The following PEX5L variants were observed in gnomAD, a reference collection of about 807,000 sequenced individuals.
PEX5L encodes the protein peroxisomal biogenesis factor 5 like, also known as PEX5-related protein.
In PEX5L, 30 loss-of-function variants were observed where a neutral mutation model predicts 84.0. The ratio of observed to expected loss-of-function variants is 0.36; its 90% CI spans 0.27 to 0.48. The LOEUF (loss-of-function observed/expected upper bound fraction) is 0.48. Among genes scored for constraint, PEX5L ranks in the 20% least tolerant of loss-of-function variants. PEX5L has a pLI of 0.99. For synonymous variants in PEX5L, 270 were observed against 283.1 expected, an observed-to-expected ratio of 0.95 and a Z score of 0.46; for missense variants, 533 against 754.6, an observed-to-expected ratio of 0.71 and a Z score of 3.44.
chr3:179,805,146 CTT>C (rs777171015), intron 14 of PEX5L, among the ~76,000 whole-genome samples: 152 of 86,456 alleles, frequency 1.8e-3, no homozygotes, highest in African/African-American at 3.5e-3. Context: ...ACTCGATGGT[CTT>C]TTTTTTTTTT....
intron 1 of PEX5L, among the ~76,000 whole-genome samples, chr3:180,006,005 T>A (rs28575206): frequency 0.017 from 2,588 of 152,360 alleles, 81 homozygotes; most frequent in African/African-American, 0.059. Context: ...TGTTTATCTT[T>A]TAGAAGTCTC....
chr3:179,999,727 G>C lies in PEX5L; in HGVS notation c.22-28062C>G, dbSNP rs185362084. On this transcript the variant is annotated intron_variant, in intron 1 of 14. Coordinates refer to ENST00000467460, the MANE Select transcript of PEX5L (RefSeq NM_016559.3). Reference sequence around the variant, plus strand: ...ACGGAATGCCTTATCCACCATCATGGTATTCCACACAGCATTGCCTCTGAC... The same window carrying C: ...ACGGAATGCCTTATCCACCATCATGCTATTCCACACAGCATTGCCTCTGAC... Among the ~76,000 whole-genome samples, 10 of 152,250 alleles carry C rather than the reference G, an allele frequency of 6.6e-5. No homozygotes were observed. In the East Asian group the frequency reaches 1.5e-3, roughly 24 times the overall value.
intron 2 of PEX5L, among the ~76,000 whole-genome samples, chr3:179,920,870 A>C (rs1243643127): frequency 6.6e-6 from 1 of 152,204 alleles, no homozygotes; most frequent in Non-Finnish European, 1.5e-5. Flanking sequence ...TAACTTTAAA[A>C]ATTAATAAAA....
At chr3:179,876,339 A>T (rs962003862) in intron 5 of PEX5L, among the ~76,000 whole-genome samples, 1 of 152,024 alleles carries the variant, frequency 6.6e-6, no homozygotes, top group African/African-American at 2.4e-5. Context: ...ACTAAATAAA[A>T]AAAAAAAATG....
intron 1 of PEX5L, among the ~76,000 whole-genome samples, chr3:180,021,245 A>G (rs943083536): frequency 1.3e-5 from 2 of 152,192 alleles, no homozygotes; most frequent in Non-Finnish European, 2.9e-5. Context: ...CACAAGTCCA[A>G]TTTGGGGACA....
intron 4 of PEX5L, among the ~76,000 whole-genome samples, chr3:179,884,649 G>A (rs1381478189): frequency 6.6e-6 from 1 of 152,166 alleles, no homozygotes. Context: ...CAGGATACAG[G>A]TCTCATCTCT....
intron 1 of PEX5L, among the ~76,000 whole-genome samples, chr3:180,035,461 T>C (rs1791821028): frequency 6.6e-6 from 1 of 152,202 alleles, no homozygotes; most frequent in Non-Finnish European, 1.5e-5. Context: ...TCTTTTGGAA[T>C]TCTGGCACTG....
chr3:179,899,404 T>C (rs1760507670), intron 2 of PEX5L, among the ~76,000 whole-genome samples: 1 of 152,080 alleles, frequency 6.6e-6, no homozygotes, highest in Non-Finnish European at 1.5e-5. Flanking sequence ...GACAGACCTA[T>C]CACAGGCAGA....
At chr3:179,885,683 A>G (rs1408638245) in intron 4 of PEX5L, among the ~76,000 whole-genome samples, 2 of 151,918 alleles carry the variant, frequency 1.3e-5, no homozygotes, top group East Asian at 1.9e-4. Flanking sequence ...AAATTTGGAC[A>G]CAGAGACAGA....
At chr3:180,013,995 T>A (rs1020425017) in intron 1 of PEX5L, among the ~76,000 whole-genome samples, 1 of 152,208 alleles carries the variant, frequency 6.6e-6, no homozygotes, top group Non-Finnish European at 1.5e-5. Flanking sequence ...CTGCAATAAC[T>A]ACAAGTATGG....
At chr3:179,952,222 C>A (rs958369467) in intron 2 of PEX5L, among the ~76,000 whole-genome samples, 1 of 152,196 alleles carries the variant, frequency 6.6e-6, no homozygotes, top group African/African-American at 2.4e-5. Context: ...GGCATAACAA[C>A]AGACGAAAGG....
At chr3:179,962,522 T>C (rs934887554) in intron 2 of PEX5L, among the ~76,000 whole-genome samples, 3 of 152,320 alleles carry the variant, frequency 2.0e-5, no homozygotes, top group Admixed American at 6.5e-5. Context: ...GCTATCACCA[T>C]AATCATACAC....
intron 3 of PEX5L, among the ~76,000 whole-genome samples, chr3:179,891,251 A>G (rs1234158629): frequency 6.6e-6 from 1 of 152,166 alleles, no homozygotes; most frequent in Non-Finnish European, 1.5e-5. Context: ...GACTTCTACA[A>G]CTAAGCTACT....
At chr3:179,958,380 T>C (rs2110067239) in intron 2 of PEX5L, among the ~76,000 whole-genome samples, 1 of 152,322 alleles carries the variant, frequency 6.6e-6, no homozygotes, top group East Asian at 1.9e-4. Flanking sequence ...CAGCCCTGTG[T>C]AAAATTCCCT....
intron 7 of PEX5L, among the ~76,000 whole-genome samples, chr3:179,863,787 A>G (rs542325591): frequency 6.6e-6 from 1 of 152,232 alleles, no homozygotes; most frequent in African/African-American, 2.4e-5. Flanking sequence ...CAATAAACTA[A>G]AAGTAGAGCT....
intron 2 of PEX5L, among the ~76,000 whole-genome samples, chr3:179,954,200 T>G: frequency 2.0e-5 from 1 of 49,768 alleles, no homozygotes; most frequent in African/African-American, 9.8e-5. Flanking sequence ...AATTAACCAT[T>G]AGTCGGGGGG....
chr3:179,920,846 T>A (rs1179273502), intron 2 of PEX5L, among the ~76,000 whole-genome samples: 2 of 152,206 alleles, frequency 1.3e-5, no homozygotes, highest in Non-Finnish European at 2.9e-5. Flanking sequence ...CCTTGCTACA[T>A]AATGGATATA....
intron 7 of PEX5L, among the ~76,000 whole-genome samples, chr3:179,873,222 TC>T (rs1351837113): frequency 6.6e-6 from 1 of 152,204 alleles, no homozygotes; most frequent in Non-Finnish European, 1.5e-5. Flanking sequence ...ACTTACCTGA[TC>T]GAGTGATTTA....
chr3:179,985,581 C>T (rs1360992130), intron 1 of PEX5L, among the ~76,000 whole-genome samples: 1 of 152,026 alleles, frequency 6.6e-6, no homozygotes, highest in African/African-American at 2.4e-5. Flanking sequence ...ATCACTTCTT[C>T]CCTGTCCTGA....
Sources: allele counts gnomAD v4.1 joint callset (sites outside exome capture counted in the v4.1 genomes callset), GRCh38; gene constraint gnomAD v4.1.1; transcripts MANE v1.5; gene names NCBI Gene and HGNC (gene_info 2026-07-23, HGNC 2026-07-21).